The following KALRN variants were observed in gnomAD, a reference collection of about 807,000 sequenced individuals.
KALRN encodes kalirin RhoGEF kinase.
In KALRN, 70 loss-of-function variants were observed where a neutral mutation model predicts 353.7. The ratio of observed to expected loss-of-function variants is 0.20; its 90% CI spans 0.16 to 0.24. The LOEUF (loss-of-function observed/expected upper bound fraction) is 0.24, where lower values mean the gene tolerates loss of function less well. Among genes scored for constraint, KALRN ranks in the 10% least tolerant of loss-of-function variants. KALRN has a pLI of 1.00. For missense variants in KALRN, 2,791 were observed against 3,756.7 expected, an observed-to-expected ratio of 0.74 and a Z score of 6.72; for synonymous variants, 1,391 against 1,434.8, an observed-to-expected ratio of 0.97 and a Z score of 0.69.
In KALRN at chr3:124,677,531, GACAAAGCCATATATTC is replaced by G. The variant is rs1283850762; in HGVS notation, c.7194-653_7194-638del. 3 of 454,848 alleles carry G rather than the reference GACAAAGCCATATATTC, an allele frequency of 6.6e-6. No homozygotes were observed. The East Asian group carries it at 2.1e-4, about 32-fold the overall frequency. 28.2% of individuals were successfully genotyped at this position (454,848 alleles called of 1,614,324 possible). A position where few individuals can be genotyped will look rare whatever the true frequency, so the allele number is the denominator to read the frequency against. On this transcript the variant is annotated intron_variant, in intron 49 of 59. Transcript: ENST00000682506. ...GGAAGCTCTAGGACCTCTACAGGCT[GACAAAGCCATATATTC>G]ACAAACACTGAGTGATATGGAGAAT...
At chr3:124,227,881 A>G in intron 1 of KALRN, 109 bp from the exon 2 acceptor site, 1 of 865,174 alleles carries the variant, frequency 1.2e-6, no homozygotes, top group East Asian at 2.4e-5. Context: ...GACCTGGACA[A>G]GGCAGGACTT....
chr3:124,276,106 C>T (rs764254575), intron 5 of KALRN, among the ~76,000 whole-genome samples: 21 of 152,186 alleles, frequency 1.4e-4, no homozygotes, highest in Non-Finnish European at 2.8e-4. Context: ...TATTCCCTTG[C>T]AAACTTGGGG....
At chr3:124,094,553 C>T (rs1334158436) in intron 1 of KALRN, 2 of 483,332 alleles carry the variant, frequency 4.1e-6, no homozygotes, top group East Asian at 3.6e-5. Flanking sequence ...TTGCGAAAAC[C>T]CTTCCTGACT....
chr3:124,596,775 C>T (rs373023489), intron 34 of KALRN, among the ~76,000 whole-genome samples: 30 of 152,224 alleles, frequency 2.0e-4, no homozygotes, highest in African/African-American at 6.3e-4. Flanking sequence ...GGGTCGGGCA[C>T]GGTGGCCCAC....
rs184759376 is a variant in KALRN at position 124,281,676 on chromosome 3, T to G, written c.969+12421T>G. Among the ~76,000 whole-genome samples, 48 of 152,334 alleles carry G rather than the reference T, an allele frequency of 3.2e-4. No homozygotes were observed. The East Asian group carries it at 5.6e-3, about 18-fold the overall frequency. The stretch of plus-strand genomic sequence containing the variant: ...TCCCTCTGAGCATTTCCTGCAGCCC[T>G]TATCCATCCCCCTCAAATTGTCCCT... On this transcript the variant is annotated intron_variant, in intron 5 of 59. Coordinates refer to ENST00000682506, the MANE Select transcript of KALRN (RefSeq NM_001388419.1).
chr3:124,394,760 C>T (rs1234653144), intron 11 of KALRN, among the ~76,000 whole-genome samples: 1 of 152,192 alleles, frequency 6.6e-6, no homozygotes, highest in Non-Finnish European at 1.5e-5. Context: ...GCACAGAGTA[C>T]ATTACTCCCT....
chr3:124,719,753 C>G lies in KALRN; in HGVS notation c.*283C>G, dbSNP rs190672607. On this transcript the variant is annotated 3_prime_UTR_variant, in exon 60 of 60. Coordinates refer to ENST00000682506, the MANE Select transcript of KALRN (RefSeq NM_001388419.1). This position sits in a 1 kb window ranked among gnomAD's most constrained non-coding sequence, Gnocchi z 5.3. Reference sequence around the variant, plus strand: ...AAGATAAGAACAATATTAGCTGTTACGAAATTTTAACTGTATCTTCCAAAA... The same window carrying G: ...AAGATAAGAACAATATTAGCTGTTAGGAAATTTTAACTGTATCTTCCAAAA... 3.5e-6 allele frequency: 1 copy of G among 288,552 alleles called. No individual in the cohort carries two copies. Among genetic ancestry groups the G allele is most frequent in the South Asian group, 7.8e-5 (1 of 12,888 alleles). The allele number at this position is 288,552 out of a possible 1,614,324, so 17.9% of individuals were successfully genotyped here. A position where few individuals can be genotyped will look rare whatever the true frequency, so the allele number is the denominator to read the frequency against.
chr3:124,142,685 C>T (rs1351805236), intron 1 of KALRN, among the ~76,000 whole-genome samples: 4 of 151,958 alleles, frequency 2.6e-5, no homozygotes, highest in African/African-American at 4.8e-5. Flanking sequence ...TGTGTGTAGC[C>T]TCGATGCTTG....
At chr3:124,286,131 C>CTTTCTTTCTTTCTTTCTT (rs2075864578) in intron 5 of KALRN, among the ~76,000 whole-genome samples, 1 of 143,116 alleles carries the variant, frequency 7.0e-6, no homozygotes, top group South Asian at 2.2e-4. Context: ...TTCTTTCTTT[C>CTTTCTTTCTTTCTTTCTT]TTTCTTTCCT....
intron 17 of KALRN, among the ~76,000 whole-genome samples, chr3:124,436,085 C>G (rs2093450067): frequency 6.6e-6 from 1 of 151,950 alleles, no homozygotes; most frequent in African/African-American, 2.4e-5. Flanking sequence ...TGATTTTTGA[C>G]AAAAAAATTC....
At chr3:124,173,528 CTTTG>C (rs1293098495) in intron 1 of KALRN, among the ~76,000 whole-genome samples, 4 of 152,194 alleles carry the variant, frequency 2.6e-5, no homozygotes, top group East Asian at 1.9e-4. Context: ...GTTTCCTCTA[CTTTG>C]TTTGTCTTTT....
intron 57 of KALRN, among the ~76,000 whole-genome samples, chr3:124,710,578 G>A (rs972923232): frequency 6.6e-6 from 1 of 152,190 alleles, no homozygotes; most frequent in Admixed American, 6.5e-5. Flanking sequence ...TTTGAGCTCA[G>A]GAATTCAAGA....
In KALRN at chr3:124,491,437, C is replaced by T; in HGVS notation, c.4689+13C>T. 1 of 1,557,240 alleles carries T rather than the reference C, an allele frequency of 6.4e-7. No homozygotes were observed. Among genetic ancestry groups the T allele is most frequent in the Non-Finnish European group, 8.7e-7 (1 of 1,145,538 alleles). On this transcript the variant is annotated intron_variant, in intron 31 of 59. Transcript: ENST00000682506. ...AACAGTGCTGAAAGTAAGTACTGCT[C>T]TCTGCTAGGCACAAACTAGGGTTGG...
At position 124,371,908 on chromosome 3, in the gene KALRN, A is replaced by G. The variant is rs182934760; in HGVS notation, c.1771-12937A>G. 3.0e-4 allele frequency among the ~76,000 whole-genome samples: 46 copies of G among 152,210 alleles called. No individual in the cohort carries two copies. In the East Asian group the frequency reaches 7.7e-3, roughly 26 times the overall value. The stretch of plus-strand genomic sequence containing the variant: ...CTTTTTCATTCTTTCTATTTTTTGT[A>G]GCTCTTAACCATTCCTACCTTACCC... On this transcript the variant is annotated intron_variant, in intron 10 of 59. Coordinates refer to ENST00000682506, the MANE Select transcript of KALRN (RefSeq NM_001388419.1).
intron 1 of KALRN, among the ~76,000 whole-genome samples, chr3:124,090,046 G>T (rs952154210): frequency 6.6e-6 from 1 of 152,172 alleles, no homozygotes; most frequent in Non-Finnish European, 1.5e-5. Context: ...AGGGCATGGG[G>T]CCCAGGGTAG....
intron 1 of KALRN, among the ~76,000 whole-genome samples, chr3:124,195,243 CCT>C (rs2075313867): frequency 1.3e-5 from 2 of 152,170 alleles, no homozygotes; most frequent in South Asian, 2.1e-4. Context: ...GCTTGCCAGA[CCT>C]CACAAGGCCT....
At chr3:124,495,957 G>GTGTATATATATATA (rs1377097482) in intron 32 of KALRN, among the ~76,000 whole-genome samples, 4 of 44,228 alleles carry the variant, frequency 9.0e-5, no homozygotes, top group African/African-American at 2.6e-4. Flanking sequence ...GTGTGTATGT[G>GTGTATATATATATA]TATGTATGTA....
At chr3:124,311,320 G>T (rs955171038) in intron 6 of KALRN, among the ~76,000 whole-genome samples, 17 of 151,940 alleles carry the variant, frequency 1.1e-4, no homozygotes, top group African/African-American at 4.1e-4. Flanking sequence ...AAAACTAACT[G>T]GGCATGGTGG....
rs182990683 is a variant in KALRN at position 124,486,126 on chromosome 3, T to A, written c.4285-2078T>A. Among the ~76,000 whole-genome samples, 412 of 152,324 alleles carry A rather than the reference T, an allele frequency of 2.7e-3. 4 individuals carry two copies. Among genetic ancestry groups the A allele is most frequent in the African/African-American group, 9.5e-3 (393 of 41,572 alleles). ...CTCAATATTCTTCATGTAAATCTGC[T>A]GTGGCTTTACAAAAGGATCCTAAAT... On this transcript the variant is annotated intron_variant, in intron 28 of 59. Transcript: ENST00000682506.
Sources: allele counts gnomAD v4.1 joint callset (sites outside exome capture counted in the v4.1 genomes callset), GRCh38; gene constraint gnomAD v4.1.1; non-coding constraint Gnocchi (gnomAD v3.1); transcripts MANE v1.5; gene names NCBI Gene and HGNC (gene_info 2026-07-23, HGNC 2026-07-21).